GPC6: variants seen among roughly 807,000 people sequenced by gnomAD.
GPC6 encodes the protein glypican 6.
A neutral mutation model predicts 55.2 loss-of-function variants in GPC6; 14 were observed. The ratio of observed to expected loss-of-function variants is 0.25; its 90% CI spans 0.17 to 0.40. GPC6 has a LOEUF of 0.40. GPC6 is among the 10% of genes least tolerant of loss of function. GPC6 has a pLI of 1.00. For missense variants in GPC6, 641 were observed against 708.5 expected (o/e 0.90, Z 1.08); for synonymous variants, 278 against 259.6 (o/e 1.07, Z -0.68).
intron 2 of GPC6, among the ~76,000 whole-genome samples, chr13:93,606,940 C>T (rs1878260350): frequency 6.6e-6 from 1 of 152,096 alleles, no homozygotes. Flanking sequence ...TTTGCCATTT[C>T]TTTAATTTTT....
intron 2 of GPC6, among the ~76,000 whole-genome samples, chr13:93,682,623 A>G (rs1289355616): frequency 1.3e-5 from 2 of 152,114 alleles, no homozygotes; most frequent in Non-Finnish European, 2.9e-5. Flanking sequence ...AGTAGTTCCT[A>G]ATAATTGAAA....
chr13:93,959,786 C>T (rs1879682880), intron 3 of GPC6, among the ~76,000 whole-genome samples: 2 of 152,150 alleles, frequency 1.3e-5, no homozygotes, highest in Admixed American at 6.6e-5. Context: ...ATTTACTCTT[C>T]ACAATAACCC....
At chr13:93,363,268 A>G (rs750725334) in intron 1 of GPC6, among the ~76,000 whole-genome samples, 8 of 151,418 alleles carry the variant, frequency 5.3e-5, no homozygotes, top group African/African-American at 9.7e-5. Context: ...ATATCTCCCA[A>G]TGCTATCCCT....
At chr13:94,288,704 A>T (rs2139087645) in intron 5 of GPC6, among the ~76,000 whole-genome samples, 1 of 133,122 alleles carries the variant, frequency 7.5e-6, no homozygotes, top group Admixed American at 8.3e-5. Context: ...CTGTCACAGC[A>T]TCTATTATAT....
At chr13:93,350,401 T>C (rs1566311815) in intron 1 of GPC6, among the ~76,000 whole-genome samples, 1 of 152,156 alleles carries the variant, frequency 6.6e-6, no homozygotes, top group Non-Finnish European at 1.5e-5. Flanking sequence ...GCCACTGCAC[T>C]CCAGCTTGGG....
intron 4 of GPC6, among the ~76,000 whole-genome samples, chr13:94,104,811 A>C (rs1258799592): frequency 2.0e-5 from 3 of 152,166 alleles, no homozygotes; most frequent in Non-Finnish European, 4.4e-5. Flanking sequence ...TCAACAAAAT[A>C]AAAGAGGACA....
In GPC6 at chr13:94,181,548, G is replaced by A. The variant is rs76616768; in HGVS notation, c.878-104801G>A. Among the ~76,000 whole-genome samples, 11 of 152,256 alleles carry A rather than the reference G, an allele frequency of 7.2e-5. No homozygotes were observed. The East Asian group carries it at 2.1e-3, about 29-fold the overall frequency. On this transcript the variant is annotated intron_variant, in intron 4 of 8. Coordinates refer to ENST00000377047, the MANE Select transcript of GPC6 (RefSeq NM_005708.5). The stretch of plus-strand genomic sequence containing the variant: ...GTATCTGACTTAATCTATTGTCTAT[G>A]GAAGAAGACAGTCAGGCCCCAACAA...
chr13:94,350,795 A>T (rs763109006), intron 6 of GPC6, among the ~76,000 whole-genome samples: 2 of 152,188 alleles, frequency 1.3e-5, no homozygotes, highest in Non-Finnish European at 2.9e-5. Flanking sequence ...GGGCACACAG[A>T]TGGCATTAGG....
rs1430898920 is a variant in GPC6 at position 94,260,234 on chromosome 13, C to CA, written c.878-26109dup. The stretch of plus-strand genomic sequence containing the variant: ...ATTGTTAGAACACAGAGGCAGAGCT[C>CA]AAAAAAGGGATTCCTAGCTCAGCCT... On this transcript the variant is annotated intron_variant, in intron 4 of 8. Coordinates refer to ENST00000377047, the MANE Select transcript of GPC6 (RefSeq NM_005708.5). 1.1e-4 allele frequency among the ~76,000 whole-genome samples: 16 copies of CA among 151,934 alleles called. 1 individual carries two copies. Among genetic ancestry groups the CA allele is most frequent in the Non-Finnish European group, 1.5e-5 (1 of 67,984 alleles).
At chr13:93,515,011 G>C (rs902689633) in intron 1 of GPC6, among the ~76,000 whole-genome samples, 19 of 152,244 alleles carry the variant, frequency 1.2e-4, no homozygotes, top group Admixed American at 7.2e-4. Flanking sequence ...GGGGGCCTTT[G>C]TGGGGTAACC....
At chr13:94,146,139 C>T (rs1442332104) in intron 4 of GPC6, among the ~76,000 whole-genome samples, 1 of 152,120 alleles carries the variant, frequency 6.6e-6, no homozygotes, top group African/African-American at 2.4e-5. Flanking sequence ...AATCATGTCA[C>T]ATGCTATTTT....
At chr13:93,809,509 C>T (rs1183852751) in intron 2 of GPC6, among the ~76,000 whole-genome samples, 1 of 152,144 alleles carries the variant, frequency 6.6e-6, no homozygotes, top group Non-Finnish European at 1.5e-5. Context: ...AAGCAAGACA[C>T]CCTTCCTCCC....
At chr13:93,901,898 TA>T (rs55752330) in intron 3 of GPC6, among the ~76,000 whole-genome samples, 32,764 of 119,242 alleles carry the variant, frequency 0.27, 3,946 homozygotes, top group East Asian at 0.34. Context: ...GAGATTCCAT[TA>T]AAAAAAAAAA....
At chr13:93,384,396 T>TAA (rs57368591) in intron 1 of GPC6, among the ~76,000 whole-genome samples, 1 of 150,520 alleles carries the variant, frequency 6.6e-6, no homozygotes, top group African/African-American at 2.4e-5. Flanking sequence ...TTTTTTTTTT[T>TAA]AAAAAAAAGG....
At chr13:94,151,902 A>G (rs1197155806) in intron 4 of GPC6, among the ~76,000 whole-genome samples, 18 of 152,174 alleles carry the variant, frequency 1.2e-4, no homozygotes, top group Admixed American at 1.1e-3. Flanking sequence ...ATTGTATGAC[A>G]TAATTTGTTG....
At chr13:93,776,131 TC>T (rs11315174) in intron 2 of GPC6, among the ~76,000 whole-genome samples, 132,527 of 145,812 alleles carry the variant, frequency 0.91, 59,779 homozygotes, top group Non-Finnish European at 0.95. Context: ...CACCCAAGTA[TC>T]CTGTTCACTG....
chr13:94,191,632 A>C (rs935669149), intron 4 of GPC6, among the ~76,000 whole-genome samples: 3 of 151,690 alleles, frequency 2.0e-5, no homozygotes, highest in Non-Finnish European at 2.9e-5. Context: ...ATAATAGTAG[A>C]GGCAAGTTTG....
At position 93,276,528 on chromosome 13, in the gene GPC6, A is replaced by ATG. The variant is rs990515505; in HGVS notation, c.160+48919_160+48920dup. On this transcript the variant is annotated intron_variant, in intron 1 of 8. Transcript: ENST00000377047. ...TGTGTGTGTGTGTGTGTGTGTGTGT[A>ATG]TGTGTGTGATAGAGGCACAGGAGAA... Among the ~76,000 whole-genome samples, 4 of 93,406 alleles carry ATG rather than the reference A, an allele frequency of 4.3e-5. No individual in the cohort carries two copies. The East Asian group carries it at 1.3e-3, about 30-fold the overall frequency. 61.3% of individuals were successfully genotyped at this position (93,406 alleles called of 152,430 possible). A position where few individuals can be genotyped will look rare whatever the true frequency, so the allele number is the denominator to read the frequency against.
intron 2 of GPC6, among the ~76,000 whole-genome samples, chr13:93,764,123 C>A (rs1327808781): frequency 6.6e-6 from 1 of 152,052 alleles, no homozygotes; most frequent in Non-Finnish European, 1.5e-5. Flanking sequence ...ATTTAGATAC[C>A]TAGTCCTAAG....
Sources: allele counts gnomAD v4.1 joint callset (sites outside exome capture counted in the v4.1 genomes callset), GRCh38; gene constraint gnomAD v4.1.1; transcripts MANE v1.5; gene names NCBI Gene and HGNC (gene_info 2026-07-23, HGNC 2026-07-21).